The following PPCDC variants were observed in gnomAD, a reference collection of about 807,000 sequenced individuals.
The protein encoded by PPCDC is phosphopantothenoylcysteine decarboxylase.
PPCDC carries 20 observed loss-of-function variants against 20.7 expected under a neutral mutation model. That is an observed-to-expected ratio of 0.97 (90% CI 0.68 to 1.41). The LOEUF (loss-of-function observed/expected upper bound fraction) is 1.41, where lower values mean the gene tolerates loss of function less well. PPCDC is among the 40% of genes most tolerant of loss of function. PPCDC has a pLI of 0.00. For synonymous variants in PPCDC, 88 were observed against 100.3 expected (o/e 0.88, Z 0.73); for missense variants, 246 against 263.8 (o/e 0.93, Z 0.47).
chr15:75,030,604 C>A (rs2066009817), intron 2 of PPCDC, among the ~76,000 whole-genome samples: 1 of 152,164 alleles, frequency 6.6e-6, no homozygotes, highest in Non-Finnish European at 1.5e-5. Context: ...CTGCACACTC[C>A]CCTTCACTCC....
At chr15:75,048,831 G>A in intron 5 of PPCDC, 110 bp downstream of exon 5, 1 of 1,349,038 alleles carries the variant, frequency 7.4e-7, no homozygotes, top group Non-Finnish European at 1.0e-6. Flanking sequence ...ACCATTCTCT[G>A]AGCTTAGCTT....
chr15:75,038,330 G>C (rs1365078321), intron 2 of PPCDC, among the ~76,000 whole-genome samples: 1 of 152,112 alleles, frequency 6.6e-6, no homozygotes, highest in African/African-American at 2.4e-5. Flanking sequence ...GTGTCTCTGG[G>C]GGCTACTGAT....
intron 1 of PPCDC, 44 bp from the exon 2 acceptor site, chr15:75,028,203 G>T: frequency 5.1e-6 from 7 of 1,373,024 alleles, no homozygotes; most frequent in Non-Finnish European, 6.9e-6. Context: ...ATACATTCTG[G>T]TCGACTGTAT....
At chr15:75,034,804 C>T (rs2066065953) in intron 2 of PPCDC, among the ~76,000 whole-genome samples, 1 of 152,152 alleles carries the variant, frequency 6.6e-6, no homozygotes, top group African/African-American at 2.4e-5. Flanking sequence ...CTTTAGAATC[C>T]TCCTTGGTCT....
In PPCDC at chr15:75,043,605, C is replaced by A. The variant is rs536546184; in HGVS notation, c.231+69C>A. 2.0e-4 allele frequency: 269 copies of A among 1,346,512 alleles called. 2 individuals carry two copies. Among genetic ancestry groups the A allele is most frequent in the Non-Finnish European group, 7.3e-6 (7 of 963,754 alleles). 83.4% of individuals were successfully genotyped at this position (1,346,512 alleles called of 1,614,324 possible). ...CAGCAGGACAGAACAGTCCTCCCTA[C>A]GGCCTATGGTCTGGCAGCTGGAACA... On this transcript the variant is annotated intron_variant, in intron 3 of 5. Transcript: ENST00000342932.
chr15:75,042,976 C>T (rs138144309), intron 2 of PPCDC, among the ~76,000 whole-genome samples: 91 of 152,326 alleles, frequency 6.0e-4, no homozygotes, highest in Non-Finnish European at 1.0e-3. Context: ...GAGGACATGC[C>T]GCGCCCCAGC....
intron 2 of PPCDC, among the ~76,000 whole-genome samples, chr15:75,036,554 C>T (rs1595904592): frequency 1.3e-5 from 2 of 152,226 alleles, no homozygotes; most frequent in Admixed American, 1.3e-4. Context: ...AGGAGGCTCC[C>T]TAACAATGTG....
At chr15:75,032,961 G>A (rs1835045399) in intron 2 of PPCDC, among the ~76,000 whole-genome samples, 1 of 151,972 alleles carries the variant, frequency 6.6e-6, no homozygotes, top group Non-Finnish European at 1.5e-5. Flanking sequence ...ATCACACTCT[G>A]CTAATTTTTT....
chr15:75,045,491 C>T (rs925828295), intron 4 of PPCDC, among the ~76,000 whole-genome samples: 4 of 152,064 alleles, frequency 2.6e-5, no homozygotes, highest in African/African-American at 7.2e-5. Flanking sequence ...TTTACTTTTG[C>T]GAGTAGCTGG....
chr15:75,027,847 C>G (rs977612379), intron 1 of PPCDC, among the ~76,000 whole-genome samples: 6 of 152,226 alleles, frequency 3.9e-5, no homozygotes, highest in Non-Finnish European at 8.8e-5. Context: ...TAAGCCACTC[C>G]CTGTTCCCCA....
At chr15:75,044,658 C>A in intron 4 of PPCDC, 144 bp downstream of exon 4, 2 of 1,140,646 alleles carry the variant, frequency 1.8e-6, no homozygotes, top group East Asian at 2.7e-5. Flanking sequence ...CCCACATCGC[C>A]CCCAGTGCTC....
intron 4 of PPCDC, among the ~76,000 whole-genome samples, chr15:75,045,637 A>G (rs1452047019): frequency 6.6e-6 from 1 of 152,150 alleles, no homozygotes; most frequent in Non-Finnish European, 1.5e-5. Context: ...TCTGCCAGTG[A>G]TTTAAGCATC....
intron 2 of PPCDC, among the ~76,000 whole-genome samples, chr15:75,040,817 C>A (rs943174689): frequency 2.0e-5 from 3 of 152,094 alleles, no homozygotes; most frequent in Non-Finnish European, 4.4e-5. Context: ...CGCACACCAC[C>A]ATGCCTGGCT....
chr15:75,038,321 T>G lies in PPCDC; in HGVS notation c.136-5120T>G, dbSNP rs752672929. Among the ~76,000 whole-genome samples, 27 of 152,326 alleles carry G rather than the reference T, an allele frequency of 1.8e-4. 1 individual carries two copies. Among genetic ancestry groups the G allele is most frequent in the Non-Finnish European group, 3.1e-4 (21 of 68,022 alleles). On this transcript the variant is annotated intron_variant, in intron 2 of 5. Transcript: ENST00000342932. ...TTGTTCTGTTCATAATTTGGATTAGTGTCTCTGGGGGCTACTGATGGTGGT... is the reference window on the plus strand; with the variant it reads ...TTGTTCTGTTCATAATTTGGATTAGGGTCTCTGGGGGCTACTGATGGTGGT...
chr15:75,046,150 G>C lies in PPCDC; in HGVS notation c.360+1636G>C, dbSNP rs535677941. Among the ~76,000 whole-genome samples, 203 of 152,346 alleles carry C rather than the reference G, an allele frequency of 1.3e-3. 1 individual carries two copies. Among genetic ancestry groups the C allele is most frequent in the Middle Eastern group, 6.8e-3 (2 of 294 alleles). ...GGATCGCTTGAGTCCAGGAGGTCAA[G>C]GCTGCAGTGAGCTGTGATTGTGCCA... On this transcript the variant is annotated intron_variant, in intron 4 of 5. Transcript: ENST00000342932.
Position 75,028,441 on chromosome 15 carries a change from G to C in PPCDC, c.123G>C (p.Leu41Phe). ...TGCCTCTTCTGGTGTCAAAGCTTTTGGACATTCCTGGGGTGAGTATCCTCA... is the reference window on the plus strand; with the variant it reads ...TGCCTCTTCTGGTGTCAAAGCTTTTCGACATTCCTGGGGTGAGTATCCTCA... Reference protein sequence around the residue: ...LKLPLLVSKLLDIPGLEVAVV... With the variant: ...LKLPLLVSKLFDIPGLEVAVV... The change falls in exon 2 of 6, where the codon TTG becomes TTC. Residue 41 changes from leucine to phenylalanine, a missense_variant. By Grantham distance (22) the Leu-to-Phe change is conservative (BLOSUM62 0). Around this residue, in one of 2 missense-constraint regions of PPCDC, gnomAD observed 225 missense variants for 222.6 expected, o/e 1.01. Transcript: ENST00000342932. The C allele has an allele frequency of 1.9e-6, 3 of 1,614,230 alleles. No individual in the cohort carries two copies. The highest frequency in any genetic ancestry group is 2.5e-6 in the Non-Finnish European group (3 of 1,180,048).
At chr15:75,044,710 G>C in intron 4 of PPCDC, 196 bp downstream of exon 4, 1 of 694,904 alleles carries the variant, frequency 1.4e-6, no homozygotes, top group Non-Finnish European at 2.3e-6. Flanking sequence ...TGGTCCTGAT[G>C]GGTCAGTGTG....
At chr15:75,044,781 C>T (rs939900790) in intron 4 of PPCDC, 2 of 410,878 alleles carry the variant, frequency 4.9e-6, no homozygotes, top group African/African-American at 2.1e-5. Flanking sequence ...AGCCAGGTGC[C>T]CACAGGAAGA....
intron 4 of PPCDC, among the ~76,000 whole-genome samples, chr15:75,046,903 A>G (rs892408634): frequency 1.3e-5 from 2 of 152,266 alleles, no homozygotes; most frequent in Non-Finnish European, 2.9e-5. Context: ...AGAGCAGACA[A>G]TCTCTCTGGG....
Sources: gnomAD v4.1 joint callset for allele counts (sites outside exome capture counted in the v4.1 genomes callset) on GRCh38, gnomAD v4.1.1 for gene constraint, gnomAD v4.1.1 regional missense constraint, MANE v1.5 for transcripts, NCBI Gene and HGNC (gene_info 2026-07-23, HGNC 2026-07-21) for gene names.